The following ZNF420 variants were observed in gnomAD, a reference collection of about 807,000 sequenced individuals.
ZNF420 encodes the protein zinc finger protein 420.
ZNF420 carries 31 observed loss-of-function variants against 44.7 expected under a neutral mutation model. The ratio of observed to expected loss-of-function variants is 0.69; its 90% CI spans 0.52 to 0.94. The LOEUF (loss-of-function observed/expected upper bound fraction) is 0.94, where lower values mean the gene tolerates loss of function less well. Among genes scored for constraint, ZNF420 ranks in the 40% least tolerant of loss-of-function variants. The pLI is 0.00. For missense variants in ZNF420, 681 were observed against 827.9 expected, an observed-to-expected ratio of 0.82 and a Z score of 2.18; for synonymous variants, 245 against 267.4, an observed-to-expected ratio of 0.92 and a Z score of 0.82.
intron 1 of ZNF420, among the ~76,000 whole-genome samples, chr19:37,060,103 G>T (rs1967848964): frequency 6.6e-6 from 1 of 152,124 alleles, no homozygotes; most frequent in Non-Finnish European, 1.5e-5. Flanking sequence ...CACCTCAGGA[G>T]ATGCGTCGGT....
chr19:37,063,548 C>T (rs1265304333), intron 1 of ZNF420, among the ~76,000 whole-genome samples: 2 of 151,710 alleles, frequency 1.3e-5, no homozygotes, highest in Admixed American at 1.3e-4. Context: ...AGATCTCCCC[C>T]CTCCCCCGCC....
intron 2 of ZNF420, among the ~76,000 whole-genome samples, chr19:37,085,722 AT>A (rs1169983367): frequency 6.6e-6 from 1 of 150,550 alleles, no homozygotes; most frequent in Non-Finnish European, 1.5e-5. Flanking sequence ...GGTAGTTTTA[AT>A]TTTTTTCTTT....
intron 2 of ZNF420, among the ~76,000 whole-genome samples, chr19:37,080,784 T>G (rs1196662571): frequency 6.6e-6 from 1 of 151,820 alleles, no homozygotes; most frequent in African/African-American, 2.4e-5. Flanking sequence ...CGGCCAGGTG[T>G]GGTGGCTCAT....
At chr19:37,063,684 G>A (rs1967918404) in intron 1 of ZNF420, among the ~76,000 whole-genome samples, 1 of 151,996 alleles carries the variant, frequency 6.6e-6, no homozygotes. Flanking sequence ...AACCCCATCA[G>A]TCGCTCTAAT....
At chr19:37,013,635 T>C (rs987491384) in intron 1 of ZNF420, among the ~76,000 whole-genome samples, 2 of 152,074 alleles carry the variant, frequency 1.3e-5, no homozygotes, top group Non-Finnish European at 2.9e-5. Flanking sequence ...TGAGCAGGAA[T>C]GGGGTTACAA....
intron 1 of ZNF420, among the ~76,000 whole-genome samples, chr19:37,012,253 C>T (rs979865464): frequency 1.3e-5 from 2 of 152,200 alleles, no homozygotes; most frequent in African/African-American, 4.8e-5. Flanking sequence ...TGCCCTCCTA[C>T]CGCCGCGCCG....
Position 37,111,039 on chromosome 19 carries a change from C to T in ZNF420, c.137-16089C>T, listed in dbSNP as rs559417686. On this transcript the variant is annotated intron_variant, in intron 4 of 4. Coordinates refer to ENST00000337995, the MANE Select transcript of ZNF420 (RefSeq NM_144689.5). ...GTCATTTCCACACAATTTTATTATT[C>T]GTAATCTTGCCTGACCAATTAATGT... Among the ~76,000 whole-genome samples the T allele has an allele frequency of 1.7e-4, 26 of 152,238 alleles. No homozygotes were observed. In the South Asian group the frequency reaches 5.2e-3, roughly 30 times the overall value.
chr19:37,072,020 G>T (rs1968067256), intron 1 of ZNF420, among the ~76,000 whole-genome samples: 1 of 152,024 alleles, frequency 6.6e-6, no homozygotes, highest in Non-Finnish European at 1.5e-5. Flanking sequence ...TCCTCCAATG[G>T]ACTGGAGCCT....
At chr19:37,039,711 T>C (rs1967419135) in intron 1 of ZNF420, among the ~76,000 whole-genome samples, 1 of 151,918 alleles carries the variant, frequency 6.6e-6, no homozygotes, top group South Asian at 2.1e-4. Flanking sequence ...CTTTTTTTTT[T>C]TTTTTGTGAG....
chr19:37,019,037 AAAAAGAAGTGTGAATC>A (rs2074627709), intron 1 of ZNF420, among the ~76,000 whole-genome samples: 1 of 144,896 alleles, frequency 6.9e-6, no homozygotes. Flanking sequence ...ATGAAAAGTA[AAAAAGAAGTGTGAATC>A]AAAAGACATC....
At chr19:37,113,656 G>A (rs994115789) in intron 4 of ZNF420, among the ~76,000 whole-genome samples, 3 of 152,130 alleles carry the variant, frequency 2.0e-5, no homozygotes, top group South Asian at 4.1e-4. Flanking sequence ...AGGGGCAGGC[G>A]GTTCCTGGGT....
In ZNF420 at chr19:37,122,850, C is replaced by T. The variant is rs1221792158; in HGVS notation, c.137-4278C>T. Among the ~76,000 whole-genome samples, 9 of 152,148 alleles carry T rather than the reference C, an allele frequency of 5.9e-5. 1 individual carries two copies. Among genetic ancestry groups the T allele is most frequent in the South Asian group, 2.1e-4 (1 of 4,830 alleles). ...AATCTTGTAGCTTTAAATGTTATTT[C>T]GTGATGACTTTCAAACTTATATTTG... On this transcript the variant is annotated intron_variant, in intron 4 of 4. Transcript: ENST00000337995.
chr19:37,090,158 A>G (rs1969049214), intron 3 of ZNF420, among the ~76,000 whole-genome samples: 1 of 152,192 alleles, frequency 6.6e-6, no homozygotes, highest in South Asian at 2.1e-4. Flanking sequence ...GGGACATTGC[A>G]TTTATTTTAT....
At chr19:37,086,295 G>A (rs1333929767) in intron 2 of ZNF420, among the ~76,000 whole-genome samples, 1 of 152,086 alleles carries the variant, frequency 6.6e-6, no homozygotes, top group East Asian at 1.9e-4. Flanking sequence ...CTATTTCATG[G>A]TTGGGGTTGG....
chr19:37,102,579 C>T (rs1969839594), intron 4 of ZNF420, among the ~76,000 whole-genome samples: 1 of 152,196 alleles, frequency 6.6e-6, no homozygotes, highest in South Asian at 2.1e-4. Flanking sequence ...AAGCTTTGAA[C>T]ATGGGATCAG....
At chr19:37,098,832 C>G (rs1485347861) in intron 4 of ZNF420, among the ~76,000 whole-genome samples, 3 of 152,174 alleles carry the variant, frequency 2.0e-5, no homozygotes, top group Non-Finnish European at 4.4e-5. Context: ...ATAGACCAAT[C>G]TCTTCCCAGC....
chr19:37,026,192 A>G (rs957628383), intron 1 of ZNF420, among the ~76,000 whole-genome samples: 3 of 151,246 alleles, frequency 2.0e-5, no homozygotes, highest in African/African-American at 7.3e-5. Flanking sequence ...TTGGGGGGTG[A>G]CACATCCCAG....
chr19:37,055,350 C>T (rs892299789), intron 1 of ZNF420, among the ~76,000 whole-genome samples: 4 of 152,192 alleles, frequency 2.6e-5, no homozygotes, highest in Admixed American at 6.5e-5. Flanking sequence ...CACACCAATG[C>T]ACTGCAGCCT....
chr19:37,035,478 C>T lies in ZNF420; in HGVS notation c.-125+27396C>T, dbSNP rs547133903. ...CCTCCCAAAATGCTGGGATTACAGG[C>T]GTTGGCCACCACGCCTGGCCACAAA... is the stretch of plus-strand genomic sequence containing the variant. On this transcript the variant is annotated intron_variant, in intron 1 of 4. Transcript: ENST00000587029. Among the ~76,000 whole-genome samples, 4 of 152,288 alleles carry T rather than the reference C, an allele frequency of 2.6e-5. No homozygotes were observed. In the East Asian group the frequency reaches 5.8e-4, roughly 22 times the overall value.
Sources: allele counts gnomAD v4.1 joint callset (sites outside exome capture counted in the v4.1 genomes callset), GRCh38; gene constraint gnomAD v4.1.1; transcripts MANE v1.5; gene names NCBI Gene and HGNC (gene_info 2026-07-23, HGNC 2026-07-21).